SEMA3D: variants seen among roughly 807,000 people sequenced by gnomAD.
The protein encoded by SEMA3D is semaphorin 3D.
A neutral mutation model predicts 100.1 loss-of-function variants in SEMA3D; 84 were observed. The ratio of observed to expected loss-of-function variants is 0.84; its 90% CI spans 0.70 to 1.01. The LOEUF (loss-of-function observed/expected upper bound fraction) is 1.01, where lower values mean the gene tolerates loss of function less well. SEMA3D is among the 50% of genes least tolerant of loss of function. The pLI, the probability that SEMA3D is intolerant of heterozygous loss-of-function variation, is 0.00. For missense variants in SEMA3D, 875 were observed against 934.1 expected, an observed-to-expected ratio of 0.94 and a Z score of 0.82; for synonymous variants, 312 against 320.7, an observed-to-expected ratio of 0.97 and a Z score of 0.29.
the SEMA3D span, among the ~76,000 whole-genome samples, chr7:85,229,831 A>C: frequency 6.6e-6 from 1 of 151,908 alleles, no homozygotes; most frequent in Non-Finnish European, 1.5e-5. Context: ...TCAACTACCC[A>C]CTTTGCCAGC....
chr7:85,040,819 ACT>A (rs746010997), intron 10 of SEMA3D, 77 bp from the exon 11 acceptor site: 390 of 706,568 alleles, frequency 5.5e-4, no homozygotes, highest in Admixed American at 9.7e-4. Context: ...CACAACTGAA[ACT>A]CTGAAAATCT....
the SEMA3D span, among the ~76,000 whole-genome samples, chr7:85,243,709 C>T: frequency 2.6e-5 from 4 of 152,116 alleles, no homozygotes; most frequent in Non-Finnish European, 2.9e-5. Flanking sequence ...GAATCTTCCA[C>T]GTGAAATGTG....
intron 12 of SEMA3D, among the ~76,000 whole-genome samples, chr7:85,024,839 T>C (rs77785132): frequency 0.018 from 2,724 of 152,042 alleles, 87 homozygotes; most frequent in African/African-American, 0.062. Context: ...TTCAAACCAG[T>C]GGAATTTTTG....
chr7:85,146,629 TAA>T (rs1325540603), intron 2 of SEMA3D, among the ~76,000 whole-genome samples: 3 of 151,910 alleles, frequency 2.0e-5, no homozygotes, highest in East Asian at 1.9e-4. Context: ...TAAAAAGAAA[TAA>T]GTCATATTTT....
chr7:85,231,334 A>AT, the SEMA3D span, among the ~76,000 whole-genome samples: 1 of 146,354 alleles, frequency 6.8e-6, no homozygotes, highest in Non-Finnish European at 1.5e-5. Flanking sequence ...TCCATTCTTT[A>AT]TTTTTTTAAA....
chr7:85,092,613 T>C (rs190305787), intron 4 of SEMA3D, among the ~76,000 whole-genome samples: 2 of 152,146 alleles, frequency 1.3e-5, no homozygotes, highest in Admixed American at 1.3e-4. Flanking sequence ...AGTTATTTGA[T>C]TTTTTAAAAA....
In SEMA3D at chr7:84,995,938, T is replaced by C. The variant is rs1789486859; in HGVS notation, c.*3502A>G. The C allele has an allele frequency of 6.6e-6, 1 of 151,952 alleles. No homozygotes were observed. The highest frequency in any genetic ancestry group is 6.6e-5 in the Admixed American group (1 of 15,246). 9.4% of individuals were successfully genotyped at this position (151,952 alleles called of 1,614,324 possible). ...TATTTAAAATTGTGATCATTTACTA[T>C]GATAAAAATACATCTCCTATAAAAA... is the stretch of plus-strand genomic sequence containing the variant. On this transcript the variant is annotated 3_prime_UTR_variant, in exon 19 of 19. Coordinates refer to ENST00000284136, the MANE Select transcript of SEMA3D (RefSeq NM_001384900.1).
chr7:85,193,396 G>A, the SEMA3D span, among the ~76,000 whole-genome samples: 1 of 152,040 alleles, frequency 6.6e-6, no homozygotes, highest in Non-Finnish European at 1.5e-5. Flanking sequence ...AGAAAAAAAT[G>A]TCCCCTCTGC....
the SEMA3D span, among the ~76,000 whole-genome samples, chr7:85,235,790 C>T: frequency 2.2e-4 from 34 of 152,196 alleles, no homozygotes; most frequent in African/African-American, 7.7e-4. Context: ...TATCTGTTTT[C>T]TCCATAAGTA....
At chr7:85,190,090 A>C (rs889142623), upstream of SEMA3D, among the ~76,000 whole-genome samples, 12 of 152,232 alleles carry the variant, frequency 7.9e-5, no homozygotes, top group South Asian at 2.5e-3. Context: ...TAAATCTAGC[A>C]GAAGATTTGG....
At chr7:85,141,834 A>G in intron 2 of SEMA3D, 1 of 819,816 alleles carries the variant, frequency 1.2e-6, no homozygotes, top group Non-Finnish European at 1.5e-6. Context: ...AAGTGGCCAC[A>G]CACAGAATAA....
At chr7:85,214,859 A>G in the SEMA3D span, among the ~76,000 whole-genome samples, 3 of 152,168 alleles carry the variant, frequency 2.0e-5, no homozygotes, top group Non-Finnish European at 2.9e-5. Flanking sequence ...AATATCAAGC[A>G]TTCTAAGGAC....
At chr7:85,184,472 T>A (rs770001481) in intron 1 of SEMA3D, among the ~76,000 whole-genome samples, 1 of 152,260 alleles carries the variant, frequency 6.6e-6, no homozygotes, top group East Asian at 1.9e-4. Context: ...AATACCCATT[T>A]ATAAATCTTT....
the SEMA3D span, among the ~76,000 whole-genome samples, chr7:85,230,957 C>T: frequency 2.0e-5 from 3 of 152,212 alleles, no homozygotes; most frequent in African/African-American, 7.2e-5. Context: ...TAATAGTGGG[C>T]TTTACTCCCA....
At chr7:85,180,620 A>AT (rs1261208748) in intron 1 of SEMA3D, among the ~76,000 whole-genome samples, 6 of 152,046 alleles carry the variant, frequency 3.9e-5, no homozygotes, top group Admixed American at 1.3e-4. Context: ...ACCACATCCT[A>AT]TTTTTCTTAT....
rs1350613750 is a variant in SEMA3D, at chr7:85,030,739, A to G, written c.1191+6150T>C. ...AATAAAACTGCAGAGTACATCAGTT[A>G]TAAAAAACCAACTATCAAGTTGGAA... On this transcript the variant is annotated intron_variant, in intron 12 of 18. Transcript: ENST00000284136. Among the ~76,000 whole-genome samples the G allele has an allele frequency of 2.0e-5, 3 of 152,082 alleles. No individual in the cohort carries two copies. In the East Asian group the frequency reaches 5.8e-4, roughly 29 times the overall value.
chr7:85,075,424 T>TAAAA (rs113310937), intron 5 of SEMA3D, among the ~76,000 whole-genome samples: 3 of 141,536 alleles, frequency 2.1e-5, no homozygotes, highest in African/African-American at 2.6e-5. Flanking sequence ...TGGTGATTAT[T>TAAAA]AAAAAAAAAA....
intron 2 of SEMA3D, chr7:85,141,365 C>G (rs1790048569): frequency 1.0e-6 from 1 of 984,258 alleles, no homozygotes; most frequent in African/African-American, 1.7e-5. Flanking sequence ...ACAGTATGCC[C>G]TATTTCTCAG....
At chr7:85,134,381 G>A (rs1380105524) in intron 2 of SEMA3D, among the ~76,000 whole-genome samples, 1 of 151,882 alleles carries the variant, frequency 6.6e-6, no homozygotes, top group African/African-American at 2.4e-5. Flanking sequence ...TTTGGATATT[G>A]TAATAACCAA....
Sources: allele counts gnomAD v4.1 joint callset (sites outside exome capture counted in the v4.1 genomes callset), GRCh38; gene constraint gnomAD v4.1.1; transcripts MANE v1.5; gene names NCBI Gene and HGNC (gene_info 2026-07-23, HGNC 2026-07-21).